The following UBASH3A variants were observed in gnomAD, a reference collection of about 807,000 sequenced individuals.
UBASH3A encodes ubiquitin associated and SH3 domain containing A.
A neutral mutation model predicts 73.5 loss-of-function variants in UBASH3A; 63 were observed. The ratio of observed to expected loss-of-function variants is 0.86; its 90% CI spans 0.70 to 1.06. The LOEUF is 1.06. Among genes scored for constraint, UBASH3A ranks in the 50% least tolerant of loss-of-function variants. UBASH3A has a pLI of 0.00. For missense variants in UBASH3A, 860 were observed against 859.0 expected (o/e 1.00, Z -0.02); for synonymous variants, 363 against 351.1 (o/e 1.03, Z -0.38).
rs1244670550 is a variant in UBASH3A, at chr21:42,418,601, G to A, written c.1038G>A (p.Val346=). The stretch of plus-strand genomic sequence containing the variant: ...GAGCCAGTGAGTCTGACACGTGGGT[G>A]AAGCACAGGTGAGTGCTGCCTCTGG... The part of the protein sequence containing the change: ...TDRASESDTW[V]KHRMYTFSLA... Residue 346 remains valine, a synonymous_variant, in exon 7 of 15, where the codon GTG becomes GTA. Coordinates refer to ENST00000319294, the MANE Select transcript of UBASH3A (RefSeq NM_018961.4). 3 of 1,613,936 alleles carry A rather than the reference G, an allele frequency of 1.9e-6. No individual in the cohort carries two copies. The highest frequency in any genetic ancestry group is 1.1e-5 in the South Asian group (1 of 91,040).
chr21:42,419,272 C>G (rs1445908010), intron 7 of UBASH3A, among the ~76,000 whole-genome samples: 1 of 152,202 alleles, frequency 6.6e-6, no homozygotes, highest in Admixed American at 6.5e-5. Context: ...TCTGGTGAGG[C>G]TAAGGATTTT....
intron 3 of UBASH3A, chr21:42,410,374 A>C: frequency 1.8e-6 from 1 of 566,036 alleles, no homozygotes; most frequent in East Asian, 2.9e-5. Flanking sequence ...GATTTGTTCC[A>C]CCCATTTCAA....
Position 42,422,011 on chromosome 21 carries a change from T to C in UBASH3A, c.1046+3402T>C, listed in dbSNP as rs116442813. On this transcript the variant is annotated intron_variant, in intron 7 of 14. Transcript: ENST00000319294. ...ATGGCTGATTTCTTTAAGTATTATA[T>C]TTCTTTTTGCTAATTATTCATACAC... 2.5e-3 allele frequency among the ~76,000 whole-genome samples: 386 copies of C among 152,290 alleles called. 1 individual carries two copies. Among genetic ancestry groups the C allele is most frequent in the African/African-American group, 8.0e-3 (334 of 41,546 alleles).
intron 7 of UBASH3A, among the ~76,000 whole-genome samples, chr21:42,426,208 C>T (rs2053431963): frequency 1.3e-5 from 2 of 152,140 alleles, no homozygotes; most frequent in African/African-American, 4.8e-5. Flanking sequence ...ATGAGACCCA[C>T]TCACAGTGAT....
chr21:42,443,087 C>T, intron 12 of UBASH3A: 1 of 1,321,100 alleles, frequency 7.6e-7, no homozygotes, highest in Non-Finnish European at 9.7e-7. Flanking sequence ...CTGACTCTGC[C>T]ATCACAGAGC....
intron 12 of UBASH3A, among the ~76,000 whole-genome samples, chr21:42,442,876 C>T (rs901920803): frequency 6.6e-6 from 1 of 152,034 alleles, no homozygotes; most frequent in African/African-American, 2.4e-5. Flanking sequence ...TGAAGGCAGG[C>T]CAAGGTGATC....
Position 42,406,291 on chromosome 21 carries a change from T to C in UBASH3A, c.114-17T>C. The C allele has an allele frequency of 6.2e-7, 1 of 1,613,074 alleles. No individual in the cohort carries two copies. Among genetic ancestry groups the C allele is most frequent in the Non-Finnish European group, 8.5e-7 (1 of 1,179,042 alleles). ...AATGGGCGACGTGACTTTGTGTCTGTGTCTGCTCTTCTGCAGGCTGAAAGC... is the reference window on the plus strand; with the variant it reads ...AATGGGCGACGTGACTTTGTGTCTGCGTCTGCTCTTCTGCAGGCTGAAAGC... On this transcript the variant is annotated splice_polypyrimidine_tract_variant and intron_variant, in intron 1 of 14. Coordinates refer to ENST00000319294, the MANE Select transcript of UBASH3A (RefSeq NM_018961.4).
At chr21:42,431,261 A>G (rs1004793769) in intron 8 of UBASH3A, among the ~76,000 whole-genome samples, 1 of 152,174 alleles carries the variant, frequency 6.6e-6, no homozygotes, top group Non-Finnish European at 1.5e-5. Context: ...CATCCCACAC[A>G]GTGGAGGCCC....
In UBASH3A at chr21:42,421,364, G is replaced by C. The variant is rs1469717023; in HGVS notation, c.1046+2755G>C. On this transcript the variant is annotated intron_variant, in intron 7 of 14. Transcript: ENST00000319294. ...GGCACCTTCAGAGCTGTGTGGCTGG[G>C]GAAGAGAGCCTGGAAAAACACCATC... 6.6e-5 allele frequency among the ~76,000 whole-genome samples: 10 copies of C among 152,330 alleles called. 1 individual carries two copies. In the Middle Eastern group the frequency reaches 0.01, roughly 155 times the overall value.
At chr21:42,407,187 A>C (rs1446162564) in intron 2 of UBASH3A, among the ~76,000 whole-genome samples, 1 of 152,054 alleles carries the variant, frequency 6.6e-6, no homozygotes, top group Non-Finnish European at 1.5e-5. Flanking sequence ...ACCCTCTCCT[A>C]CCCGGATGTG....
intron 2 of UBASH3A, among the ~76,000 whole-genome samples, chr21:42,408,877 C>T (rs1005815833): frequency 9.9e-5 from 10 of 101,010 alleles, no homozygotes; most frequent in East Asian, 5.0e-4. Flanking sequence ...AGAAAGACTC[C>T]ATCTCAAAAA....
intron 5 of UBASH3A, among the ~76,000 whole-genome samples, chr21:42,416,010 T>A (rs903587988): frequency 2.6e-5 from 4 of 152,130 alleles, no homozygotes; most frequent in African/African-American, 9.7e-5. Context: ...CAAAACAAGG[T>A]GAACCTTAAA....
At chr21:42,438,003 A>G (rs543353559) in intron 11 of UBASH3A, among the ~76,000 whole-genome samples, 6 of 152,298 alleles carry the variant, frequency 3.9e-5, no homozygotes, top group African/African-American at 1.4e-4. Context: ...TCAAGGGCTG[A>G]TGTGTGTCAG....
intron 13 of UBASH3A, among the ~76,000 whole-genome samples, chr21:42,444,290 C>T (rs1179651217): frequency 6.6e-6 from 1 of 152,308 alleles, no homozygotes. Flanking sequence ...GGGGGTGGCT[C>T]AGCTCACTTC....
At chr21:42,438,858 G>A (rs897266686) in intron 11 of UBASH3A, among the ~76,000 whole-genome samples, 10 of 152,080 alleles carry the variant, frequency 6.6e-5, no homozygotes, top group Admixed American at 2.0e-4. Flanking sequence ...AGGAAGCCAC[G>A]TCCTGCAGGA....
At chr21:42,410,954 C>T (rs373905031) in intron 3 of UBASH3A, among the ~76,000 whole-genome samples, 19 of 145,364 alleles carry the variant, frequency 1.3e-4, no homozygotes, top group African/African-American at 3.6e-4. Context: ...GACGTACACA[C>T]GGCACACACA....
At chr21:42,431,520 T>C (rs1421905238) in intron 8 of UBASH3A, among the ~76,000 whole-genome samples, 2 of 152,238 alleles carry the variant, frequency 1.3e-5, no homozygotes, top group African/African-American at 4.8e-5. Flanking sequence ...ACTGTTTTCC[T>C]TTAGCATTCA....
At chr21:42,415,511 C>T (rs2053183361) in intron 5 of UBASH3A, among the ~76,000 whole-genome samples, 1 of 152,204 alleles carries the variant, frequency 6.6e-6, no homozygotes, top group East Asian at 1.9e-4. Context: ...CTTGCATCAA[C>T]CTTGACCTTT....
intron 3 of UBASH3A, chr21:42,410,464 C>T (rs1030117289): frequency 2.2e-6 from 1 of 444,818 alleles, no homozygotes; most frequent in Non-Finnish European, 3.9e-6. Flanking sequence ...GAATGCAAAC[C>T]TCTGAAGGGA....
Sources: allele counts gnomAD v4.1 joint callset (sites outside exome capture counted in the v4.1 genomes callset), GRCh38; gene constraint gnomAD v4.1.1; transcripts MANE v1.5; gene names NCBI Gene and HGNC (gene_info 2026-07-23, HGNC 2026-07-21).